SCNN1B: variants seen among roughly 807,000 people sequenced by gnomAD.
SCNN1B encodes sodium channel epithelial 1 subunit beta, also known as epithelial sodium channel subunit beta.
A neutral mutation model predicts 65.3 loss-of-function variants in SCNN1B; 46 were observed. That is an observed-to-expected ratio of 0.70 (90% confidence interval 0.56 to 0.90). SCNN1B has a LOEUF of 0.90. Among genes scored for constraint, SCNN1B ranks in the 40% least tolerant of loss-of-function variants. The pLI, the probability that SCNN1B is intolerant of heterozygous loss-of-function variation, is 0.00. For synonymous variants in SCNN1B, 349 were observed against 330.6 expected, an observed-to-expected ratio of 1.06 and a Z score of -0.60; for missense variants, 751 against 830.5, an observed-to-expected ratio of 0.90 and a Z score of 1.18.
Position 23,367,882 on chromosome 16 carries a change from A to G in SCNN1B, c.803A>G (p.His268Arg), listed in dbSNP as rs138004955. The stretch of plus-strand genomic sequence containing the variant: ...AACTTCACGTCCATCTTCTACCCTC[A>G]CTATGGCAACTGTTACATCTTCAAC... ...YRNFTSIFYP[H>R]YGNCYIFNWG... Residue 268 changes from histidine (H) to arginine (R), a missense_variant, in exon 5 of 13, where the codon CAC (histidine) becomes CGC (arginine). Transcript: ENST00000343070. 4.5e-5 allele frequency: 73 copies of G among 1,614,040 alleles called. No homozygotes were observed. The African/African-American group carries it at 9.3e-4, about 21-fold the overall frequency.
intron 7 of SCNN1B, among the ~76,000 whole-genome samples, chr16:23,374,691 G>A (rs1962856399): frequency 6.6e-6 from 1 of 151,686 alleles, no homozygotes; most frequent in South Asian, 2.1e-4. Context: ...CCCTCAGAGA[G>A]CCACAGACTC....
At chr16:23,332,272 T>G (rs1459823621) in intron 1 of SCNN1B, among the ~76,000 whole-genome samples, 8 of 152,046 alleles carry the variant, frequency 5.3e-5, no homozygotes, top group African/African-American at 1.9e-4. Context: ...CTCGACTCAC[T>G]GAAACCTCTG....
rs61759916 is a variant in SCNN1B, at chr16:23,380,423, C to T, written c.1545C>T (p.Ile515=). ...CCCCAGCTCCCTGTTCCCCACAGATCGTCTGGCTGCTCTCGAATCTGGGTG... is the reference window on the plus strand; with the variant it reads ...CCCCAGCTCCCTGTTCCCCACAGATTGTCTGGCTGCTCTCGAATCTGGGTG... ...RTIEESAANN[I]VWLLSNLGGQ... Residue 515 remains isoleucine (I), a splice_region_variant and synonymous_variant, in exon 13 of 13, where the codon ATC becomes ATT. Transcript: ENST00000343070. The surrounding 1 kb of genome is among the most constrained non-coding windows in gnomAD (Gnocchi z 5.4). 3,378 of 1,614,158 alleles carry T rather than the reference C, an allele frequency of 2.1e-3. 10 individuals are homozygous for T. Among genetic ancestry groups the T allele is most frequent in the Non-Finnish European group, 2.7e-3 (3,181 of 1,180,040 alleles).
intron 2 of SCNN1B, among the ~76,000 whole-genome samples, chr16:23,289,196 G>A (rs1960890159): frequency 6.6e-6 from 1 of 152,194 alleles, no homozygotes; most frequent in South Asian, 2.1e-4. Flanking sequence ...ACTGAGGAGT[G>A]TCACTCTGTT....
At chr16:23,304,153 C>G in intron 1 of SCNN1B, 1 of 1,393,770 alleles carries the variant, frequency 7.2e-7, no homozygotes, top group East Asian at 2.5e-5. Flanking sequence ...GGGTTAAGTT[C>G]AATTTATTTT....
In SCNN1B at chr16:23,360,219, A is replaced by AAT. The variant is rs1167626720; in HGVS notation, c.776+4732_776+4733dup. On this transcript the variant is annotated intron_variant, in intron 4 of 12. Coordinates refer to ENST00000343070, the MANE Select transcript of SCNN1B (RefSeq NM_000336.3). ...TCTCAAAAAAATAAATAAATAAATA[A>AAT]ATAAATAAACAAATAAATAAATAAA... Among the ~76,000 whole-genome samples the AAT allele has an allele frequency of 2.5e-4, 38 of 151,516 alleles. No homozygotes were observed. In the South Asian group the frequency reaches 7.5e-3, roughly 30 times the overall value.
chr16:23,379,944 A>T (rs1963003390), intron 11 of SCNN1B, 150 bp from the exon 12 acceptor site: 2 of 729,590 alleles, frequency 2.7e-6, no homozygotes, highest in Non-Finnish European at 5.0e-6. Flanking sequence ...TCCTGTGTGC[A>T]TGTGTGCACG....
At chr16:23,297,472 C>T (rs552018332), upstream of SCNN1B, among the ~76,000 whole-genome samples, 8 of 152,254 alleles carry the variant, frequency 5.3e-5, no homozygotes, top group East Asian at 3.9e-4. Context: ...CTGAAATGTG[C>T]AGGAGGTAGG....
At chr16:23,379,330 G>A (rs1962986678) in intron 11 of SCNN1B, among the ~76,000 whole-genome samples, 1 of 151,942 alleles carries the variant, frequency 6.6e-6, no homozygotes, top group Non-Finnish European at 1.5e-5. Context: ...AGGAGTCTAG[G>A]GGGCAAACAT....
intron 2 of SCNN1B, among the ~76,000 whole-genome samples, chr16:23,288,053 G>T (rs1960875743): frequency 6.6e-6 from 1 of 151,912 alleles, no homozygotes; most frequent in South Asian, 2.1e-4. Context: ...CTGCTTGGTG[G>T]GCTGAGGTGG....
At chr16:23,330,374 G>A (rs976217869) in intron 1 of SCNN1B, among the ~76,000 whole-genome samples, 13 of 152,152 alleles carry the variant, frequency 8.5e-5, no homozygotes, top group South Asian at 2.1e-4. Context: ...ATTGGCCCAC[G>A]TGTGAGGTTG....
At chr16:23,289,673 CTTTTT>C (rs11369014) in intron 2 of SCNN1B, among the ~76,000 whole-genome samples, 1 of 124,108 alleles carries the variant, frequency 8.1e-6, no homozygotes, top group Non-Finnish European at 1.6e-5. Flanking sequence ...CAATATTTAA[CTTTTT>C]TTTTTTTTTT....
At chr16:23,330,211 G>A (rs150714947) in intron 1 of SCNN1B, among the ~76,000 whole-genome samples, 12 of 152,276 alleles carry the variant, frequency 7.9e-5, no homozygotes, top group African/African-American at 2.2e-4. Context: ...ACCCCGACTC[G>A]GCAGGTGGAG....
At chr16:23,297,852 C>T (rs1459129987), upstream of SCNN1B, among the ~76,000 whole-genome samples, 1 of 152,108 alleles carries the variant, frequency 6.6e-6, no homozygotes, top group South Asian at 2.1e-4. Context: ...GTGGTGACCC[C>T]AGAGCTAAAC....
At chr16:23,341,081 C>G (rs998125146) in intron 1 of SCNN1B, among the ~76,000 whole-genome samples, 11 of 152,136 alleles carry the variant, frequency 7.2e-5, no homozygotes, top group African/African-American at 2.7e-4. Flanking sequence ...TGAGTTGACT[C>G]TAGAGGTTAA....
At chr16:23,331,325 CTTTTT>C (rs112461468) in intron 1 of SCNN1B, among the ~76,000 whole-genome samples, 1 of 138,174 alleles carries the variant, frequency 7.2e-6, no homozygotes, top group Non-Finnish European at 1.6e-5. Flanking sequence ...TTCCTAGTCA[CTTTTT>C]TTTTTTTTTT....
Position 23,307,819 on chromosome 16 carries a change from G to A in SCNN1B, c.-9+5382G>A, listed in dbSNP as rs553176258. Among the ~76,000 whole-genome samples the A allele has an allele frequency of 2.6e-5, 4 of 152,318 alleles. No homozygotes were observed. The South Asian group carries it at 8.3e-4, about 32-fold the overall frequency. ...AATCCCAACTGCTTGCAAGGCTGAG[G>A]CAGGAGGACCACTTGAGCCCAGGAG... On this transcript the variant is annotated intron_variant, in intron 1 of 12. Coordinates refer to ENST00000343070, the MANE Select transcript of SCNN1B (RefSeq NM_000336.3).
chr16:23,371,510 CCCACCTGTCCAGGG>C (rs1962783979), intron 6 of SCNN1B, 48 bp downstream of exon 6: 10 of 1,587,696 alleles, frequency 6.3e-6, no homozygotes, highest in Non-Finnish European at 8.6e-6. Context: ...AGGGTGGGAG[CCCACCTGTCCAGGG>C]CCAACTGCCC....
intron 4 of SCNN1B, among the ~76,000 whole-genome samples, chr16:23,366,301 G>C (rs558987998): frequency 9.9e-5 from 15 of 152,204 alleles, no homozygotes; most frequent in Non-Finnish European, 2.1e-4. Flanking sequence ...ACCTCCCCAG[G>C]CTCAGGTGAT....
Sources: allele counts gnomAD v4.1 joint callset (sites outside exome capture counted in the v4.1 genomes callset), GRCh38; gene constraint gnomAD v4.1.1; non-coding constraint Gnocchi (gnomAD v3.1); transcripts MANE v1.5; gene names NCBI Gene and HGNC (gene_info 2026-07-23, HGNC 2026-07-21).